Variants in KIF26B observed in about 807,000 individuals in gnomAD.
The protein encoded by KIF26B is kinesin-like protein KIF26B.
Under a neutral mutation model 151.2 loss-of-function variants are expected in KIF26B, and 63 were observed. That is an observed-to-expected ratio of 0.42 (90% CI 0.34 to 0.51). KIF26B has a LOEUF of 0.51. Among genes scored for constraint, KIF26B ranks in the 20% least tolerant of loss-of-function variants. The pLI, the probability that KIF26B is intolerant of heterozygous loss-of-function variation, is 0.07. For synonymous variants in KIF26B, 1,357 were observed against 1,262.1 expected, an observed-to-expected ratio of 1.08 and a Z score of -1.59; for missense variants, 2,813 against 2,913.6, an observed-to-expected ratio of 0.97 and a Z score of 0.79.
chr1:245,405,322 C>A (rs533465951), intron 3 of KIF26B, among the ~76,000 whole-genome samples: 1 of 152,302 alleles, frequency 6.6e-6, no homozygotes, highest in East Asian at 1.9e-4. Context: ...GATCAGCCCA[C>A]AAATGTTTGC....
chr1:245,249,433 G>A (rs1670397994), intron 2 of KIF26B, among the ~76,000 whole-genome samples: 1 of 150,584 alleles, frequency 6.6e-6, no homozygotes, highest in Non-Finnish European at 1.5e-5. Context: ...CAGAATTCCT[G>A]TTTCACAACA....
At chr1:245,504,738 C>A (rs190643838) in intron 4 of KIF26B, among the ~76,000 whole-genome samples, 1 of 151,882 alleles carries the variant, frequency 6.6e-6, no homozygotes, top group Admixed American at 6.6e-5. Context: ...CTGTGCCCAG[C>A]CTCTCTGCTC....
In KIF26B at chr1:245,516,465, C is replaced by T. The variant is rs370961591; in HGVS notation, c.1167-24302C>T. 9.3e-4 allele frequency among the ~76,000 whole-genome samples: 141 copies of T among 152,316 alleles called. No individual in the cohort carries two copies. The highest frequency in any genetic ancestry group is 3.3e-3 in the African/African-American group (136 of 41,562). ...CTGTATGTATTGATATCACATGCGT[C>T]TATATGAACGCCCCGCTGCAGCTGC... On this transcript the variant is annotated intron_variant, in intron 4 of 14. Coordinates refer to ENST00000407071, the MANE Select transcript of KIF26B (RefSeq NM_018012.4). This position sits in a 1 kb window ranked among gnomAD's most constrained non-coding sequence, Gnocchi z 4.2.
At chr1:245,212,038 G>A (rs1464198046) in intron 2 of KIF26B, among the ~76,000 whole-genome samples, 1 of 152,122 alleles carries the variant, frequency 6.6e-6, no homozygotes, top group East Asian at 1.9e-4. Context: ...TTGAGGAAGG[G>A]TCCCCCCTTA....
intron 12 of KIF26B, among the ~76,000 whole-genome samples, chr1:245,695,162 T>G (rs878925479): frequency 3.3e-5 from 5 of 152,298 alleles, no homozygotes; most frequent in Admixed American, 3.3e-4. Flanking sequence ...TGCTGGAGCA[T>G]GCAGAAAATC....
chr1:245,691,175 T>C (rs2044621669), intron 12 of KIF26B, among the ~76,000 whole-genome samples: 1 of 152,234 alleles, frequency 6.6e-6, no homozygotes, highest in Non-Finnish European at 1.5e-5. Context: ...CCAAGACTTT[T>C]ATTGTTTGGT....
chr1:245,481,082 T>C (rs1482348308), intron 4 of KIF26B, among the ~76,000 whole-genome samples: 1 of 151,940 alleles, frequency 6.6e-6, no homozygotes, highest in Non-Finnish European at 1.5e-5. Context: ...CCGTGCGTTG[T>C]GCGTGCATTT....
chr1:245,625,722 T>C (rs1186419032), intron 9 of KIF26B, among the ~76,000 whole-genome samples: 1 of 152,102 alleles, frequency 6.6e-6, no homozygotes, highest in African/African-American at 2.4e-5. Flanking sequence ...GCTTCCTCCT[T>C]TTATTTAACT....
At chr1:245,162,375 C>CGTT (rs1668545986) in intron 2 of KIF26B, among the ~76,000 whole-genome samples, 7 of 76,492 alleles carry the variant, frequency 9.2e-5, no homozygotes, top group African/African-American at 3.6e-4. Flanking sequence ...TCAGAAATAT[C>CGTT]TTTTTTTTTT....
At chr1:245,332,957 C>T (rs1672144021) in intron 2 of KIF26B, among the ~76,000 whole-genome samples, 1 of 152,058 alleles carries the variant, frequency 6.6e-6, no homozygotes, top group African/African-American at 2.4e-5. Context: ...AGAAAAAGGG[C>T]AAAATGTAGG....
rs188802255 is a variant in KIF26B, at chr1:245,420,487, C to T, written c.1166+742C>T. Among the ~76,000 whole-genome samples, 70 of 152,226 alleles carry T rather than the reference C, an allele frequency of 4.6e-4. No individual in the cohort carries two copies. In the East Asian group the frequency reaches 0.012, roughly 26 times the overall value. On this transcript the variant is annotated intron_variant, in intron 4 of 14. Transcript: ENST00000407071. ...TTATAGCACAGCCAGAAATAGAAAC[C>T]GGATTGCTCTACATTTTTCTGTATA...
intron 4 of KIF26B, among the ~76,000 whole-genome samples, chr1:245,504,850 A>C (rs560555380): frequency 1.1e-4 from 16 of 152,346 alleles, no homozygotes; most frequent in Admixed American, 9.8e-4. Flanking sequence ...AAATGGTAAA[A>C]TTTTAACGAA....
At chr1:245,493,670 C>T (rs879319528) in intron 4 of KIF26B, among the ~76,000 whole-genome samples, 5 of 152,110 alleles carry the variant, frequency 3.3e-5, no homozygotes, top group Non-Finnish European at 7.4e-5. Context: ...CAGAGAGCTG[C>T]CAAGGCAACC....
chr1:245,648,451 A>G (rs889037154), intron 10 of KIF26B, among the ~76,000 whole-genome samples: 9 of 151,958 alleles, frequency 5.9e-5, no homozygotes, highest in Non-Finnish European at 1.3e-4. Context: ...CCTGGGCAGC[A>G]TGGCAAAAAC....
At position 245,416,292 on chromosome 1, in the gene KIF26B, A is replaced by G. The variant is rs1687101; in HGVS notation, c.1000-3287A>G. ...CGAAACTCTGTCTCAAAAAAAAAAA[A>G]AAAAAAAGAATCAAACAAAATAGAA... On this transcript the variant is annotated intron_variant, in intron 3 of 14. Transcript: ENST00000407071. Among the ~76,000 whole-genome samples, 46 of 142,954 alleles carry G rather than the reference A, an allele frequency of 3.2e-4. 1 individual carries two copies. Among genetic ancestry groups the G allele is most frequent in the African/African-American group, 8.1e-4 (31 of 38,476 alleles). 93.8% of individuals were successfully genotyped at this position (142,954 alleles called of 152,430 possible). A position where few individuals can be genotyped will look rare whatever the true frequency, so the allele number is the denominator to read the frequency against.
In KIF26B at chr1:245,685,878, A is replaced by G; in HGVS notation, c.2895A>G (p.Leu965=). ...AGCAGGCAAGCAGAGGCCCCCGGTTAAGCCAAGCAGCGGGGGCAAGCCCAC... is the reference window on the plus strand; with the variant it reads ...AGCAGGCAAGCAGAGGCCCCCGGTTGAGCCAAGCAGCGGGGGCAAGCCCAC... ...GPEQASRGPR[L]SQAAGASPLS... The change falls in exon 12 of 15, where the codon TTA becomes TTG. Residue 965 remains leucine (L), a synonymous_variant. Coordinates refer to ENST00000407071, the MANE Select transcript of KIF26B (RefSeq NM_018012.4). The G allele has an allele frequency of 6.2e-7, 1 of 1,612,948 alleles. No individual in the cohort carries two copies. The highest frequency in any genetic ancestry group is 8.5e-7 in the Non-Finnish European group (1 of 1,179,784).
intron 5 of KIF26B, among the ~76,000 whole-genome samples, chr1:245,548,745 C>CCTTT (rs1661808497): frequency 7.0e-6 from 1 of 143,762 alleles, no homozygotes; most frequent in Non-Finnish European, 1.5e-5. Context: ...CATTTTGCAA[C>CCTTT]TTTTTTTTTT....
chr1:245,316,165 T>C (rs1243923031), intron 2 of KIF26B, among the ~76,000 whole-genome samples: 2 of 151,832 alleles, frequency 1.3e-5, no homozygotes, highest in African/African-American at 4.8e-5. Flanking sequence ...AGATGGAGTT[T>C]CATTCTTGTT....
At chr1:245,366,769 T>G in intron 2 of KIF26B, 65 bp from the exon 3 acceptor site, 1 of 1,505,804 alleles carries the variant, frequency 6.6e-7, no homozygotes, top group Non-Finnish European at 9.1e-7. Flanking sequence ...AAGCCAGGTA[T>G]CTGACTTGCA....
Sources: allele counts gnomAD v4.1 joint callset (sites outside exome capture counted in the v4.1 genomes callset), GRCh38; gene constraint gnomAD v4.1.1; non-coding constraint Gnocchi (gnomAD v3.1); transcripts MANE v1.5; gene names NCBI Gene and HGNC (gene_info 2026-07-23, HGNC 2026-07-21).